The following HID1 variants were observed in gnomAD, a reference collection of about 807,000 sequenced individuals.
The protein encoded by HID1 is HID1 domain containing.
HID1 carries 42 observed loss-of-function variants against 89.7 expected under a neutral mutation model. The ratio of observed to expected loss-of-function variants is 0.47; its 90% confidence interval spans 0.37 to 0.61. The LOEUF (loss-of-function observed/expected upper bound fraction) is 0.61. Ranked by LOEUF, HID1 falls within the 20% of genes least tolerant of loss-of-function variation. The pLI, the probability that HID1 is intolerant of heterozygous loss-of-function variation, is 0.00. For synonymous variants in HID1, 442 were observed against 433.8 expected (o/e 1.02, Z -0.24); for missense variants, 854 against 1,039.3 (o/e 0.82, Z 2.45).
At chr17:74,965,339 T>C (rs1251176286) in intron 1 of HID1, among the ~76,000 whole-genome samples, 1 of 152,218 alleles carries the variant, frequency 6.6e-6, no homozygotes, top group Admixed American at 6.5e-5. Flanking sequence ...CACTGCTTCC[T>C]CACCCAGAGC....
intron 14 of HID1, among the ~76,000 whole-genome samples, 156 bp downstream of exon 14, chr17:74,953,982 A>T (rs758228272): frequency 2.0e-5 from 3 of 151,542 alleles, no homozygotes; most frequent in Non-Finnish European, 4.4e-5. Context: ...AAGCCCATCC[A>T]GTACCCTCCC....
At chr17:74,966,208 C>G (rs2144825262) in intron 1 of HID1, among the ~76,000 whole-genome samples, 1 of 148,182 alleles carries the variant, frequency 6.7e-6, no homozygotes, top group East Asian at 2.0e-4. Flanking sequence ...TGCTTGAACC[C>G]AGGAGGCAGA....
At chr17:74,953,715 A>G in intron 14 of HID1, 64 bp from the exon 15 acceptor site, 1 of 1,291,814 alleles carries the variant, frequency 7.7e-7, no homozygotes, top group Non-Finnish European at 1.1e-6. Context: ...CCCTTCCTCC[A>G]CCCACTTTTT....
At position 74,964,572 on chromosome 17, in the gene HID1, C is replaced by G. The variant is rs1180312938; in HGVS notation, c.127G>C (p.Val43Leu). The G allele has an allele frequency of 1.9e-6, 3 of 1,612,148 alleles. No individual in the cohort carries two copies. Among genetic ancestry groups the G allele is most frequent in the Non-Finnish European group, 2.5e-6 (3 of 1,179,404 alleles). The change falls in exon 2 of 19, where the codon GTG becomes CTG. Residue 43 changes from valine to leucine, a missense_variant. Coordinates refer to ENST00000425042, the MANE Select transcript of HID1 (RefSeq NM_030630.3). ...GGCACCAGTGCAAACACATCCTGCA[C>G]CGAGGTGGCTGTGTCTGCCCAGAAC... ...DQFWADTATSVQDVFALVPAA... is the reference protein window; with the variant it reads ...DQFWADTATSLQDVFALVPAA...
chr17:74,957,614 A>G (rs539322069), intron 12 of HID1, among the ~76,000 whole-genome samples: 2 of 148,454 alleles, frequency 1.3e-5, no homozygotes, highest in Non-Finnish European at 3.0e-5. Context: ...TTTTTTTAAA[A>G]AAAGGCCAGA....
At chr17:74,963,384 C>T in intron 3 of HID1, 2 of 489,368 alleles carry the variant, frequency 4.1e-6, no homozygotes, top group South Asian at 2.8e-5. Flanking sequence ...CCCTCAGCAC[C>T]TCACCTGGAC....
At position 74,958,006 on chromosome 17, in the gene HID1, T is replaced by C; in HGVS notation, c.1471+135A>G. ...TGTCACCCTTTTTTTTTAATGTGGC[T>C]ACTATGAAGGGTACACAAGCTTGCG... is the stretch of plus-strand genomic sequence containing the variant. On this transcript the variant is annotated intron_variant, in intron 12 of 18. Coordinates refer to ENST00000425042, the MANE Select transcript of HID1 (RefSeq NM_030630.3). This position sits in a 1 kb window ranked among gnomAD's most constrained non-coding sequence, Gnocchi z 5.2. 1 of 662,374 alleles carries C rather than the reference T, an allele frequency of 1.5e-6. No individual in the cohort carries two copies. Among genetic ancestry groups the C allele is most frequent in the Non-Finnish European group, 2.6e-6 (1 of 388,842 alleles). 41.0% of individuals were successfully genotyped at this position (662,374 alleles called of 1,614,324 possible).
At position 74,962,915 on chromosome 17, in the gene HID1, C is replaced by A; in HGVS notation, c.504+50G>T. On this transcript the variant is annotated intron_variant, in intron 4 of 18. Transcript: ENST00000425042. The surrounding 1 kb of genome is among the most constrained non-coding windows in gnomAD (Gnocchi z 4.3). ...AACTTCAACTGGCCCGGCCCCAACC[C>A]AGGACCAGAGCCTACTCCGCCTGGG... is the stretch of plus-strand genomic sequence containing the variant. The A allele has an allele frequency of 7.1e-7, 1 of 1,415,702 alleles. No homozygotes were observed. The highest frequency in any genetic ancestry group is 9.9e-7 in the Non-Finnish European group (1 of 1,012,264). The allele number at this position is 1,415,702 out of a possible 1,614,324, so 87.7% of individuals were successfully genotyped here.
rs1247219604 is a variant in HID1 at position 74,951,360 on chromosome 17, C to T, written c.*210G>A. The T allele has an allele frequency of 1.9e-5, 11 of 591,136 alleles. 1 individual carries two copies. The highest frequency in any genetic ancestry group is 1.0e-4 in the South Asian group (5 of 48,788). The allele number at this position is 591,136 out of a possible 1,614,324, so 36.6% of individuals were successfully genotyped here. The stretch of plus-strand genomic sequence containing the variant: ...TGGGGGCATAGCCCCAGAGATGGGG[C>T]TCCTGTGAGTCCAGCCTAGGGGTTG... On this transcript the variant is annotated 3_prime_UTR_variant, in exon 19 of 19. Coordinates refer to ENST00000425042, the MANE Select transcript of HID1 (RefSeq NM_030630.3).
chr17:74,972,525 AC>A lies in HID1; in HGVS notation c.66+65del. 7 of 1,423,866 alleles carry A rather than the reference AC, an allele frequency of 4.9e-6. No homozygotes were observed. The highest frequency in any genetic ancestry group is 2.2e-5 in the Admixed American group (1 of 45,732). 88.2% of individuals were successfully genotyped at this position (1,423,866 alleles called of 1,614,324 possible). On this transcript the variant is annotated intron_variant, in intron 1 of 18. Coordinates refer to ENST00000425042, the MANE Select transcript of HID1 (RefSeq NM_030630.3). The surrounding 1 kb of genome is among the most constrained non-coding windows in gnomAD (Gnocchi z 6.4). ...ATCTCCCGACGAGCCAAGTTCGCGT[AC>A]CCCCGGCCCTGCCCAGCCCCCAGCC...
intron 15 of HID1, 57 bp from the exon 16 acceptor site, chr17:74,953,143 T>G: frequency 9.9e-6 from 12 of 1,215,996 alleles, no homozygotes; most frequent in Non-Finnish European, 1.4e-5. Flanking sequence ...AGGGGTGGAG[T>G]GGGGGGCAAT....
In HID1 at chr17:74,962,179, G is replaced by A. The variant is rs753547809; in HGVS notation, c.611+55C>T. The A allele has an allele frequency of 1.4e-6, 2 of 1,455,410 alleles. No individual in the cohort carries two copies. Among genetic ancestry groups the A allele is most frequent in the African/African-American group, 1.4e-5 (1 of 71,604 alleles). The allele number at this position is 1,455,410 out of a possible 1,614,324, so 90.2% of individuals were successfully genotyped here. On this transcript the variant is annotated intron_variant, in intron 5 of 18. Coordinates refer to ENST00000425042, the MANE Select transcript of HID1 (RefSeq NM_030630.3). This position sits in a 1 kb window ranked among gnomAD's most constrained non-coding sequence, Gnocchi z 4.3. ...CCCATGGGCTTTCTGAGCTGTGCGG[G>A]GGCCCGGCCCGGGGTCCAGCTGCAT...
Position 74,962,039 on chromosome 17 carries a change from A to G in HID1, c.612-50T>C. The G allele has an allele frequency of 7.2e-7, 1 of 1,396,796 alleles. No homozygotes were observed. The highest frequency in any genetic ancestry group is 9.7e-7 in the Non-Finnish European group (1 of 1,032,194). 86.5% of individuals were successfully genotyped at this position (1,396,796 alleles called of 1,614,324 possible). ...CCTTAGGATCCCAGTCCCCTCTTGG[A>G]GGTTCTGCCCACCCAGCCCAGCGCC... On this transcript the variant is annotated intron_variant, in intron 5 of 18. Coordinates refer to ENST00000425042, the MANE Select transcript of HID1 (RefSeq NM_030630.3). The surrounding 1 kb of genome is among the most constrained non-coding windows in gnomAD (Gnocchi z 4.3).
intron 15 of HID1, among the ~76,000 whole-genome samples, chr17:74,953,341 C>A (rs73363079): frequency 1.3e-5 from 2 of 152,118 alleles, no homozygotes. Context: ...AGGGCTTCAC[C>A]GGAACCAGTA....
At chr17:74,960,852 G>A (rs560148683) in intron 6 of HID1, among the ~76,000 whole-genome samples, 88 of 152,282 alleles carry the variant, frequency 5.8e-4, no homozygotes, top group African/African-American at 2.0e-3. Context: ...GCCACCTGCC[G>A]GGCACAGACC....
At chr17:74,952,228 GC>G in intron 17 of HID1, 40 bp downstream of exon 17, 1 of 1,575,594 alleles carries the variant, frequency 6.3e-7, no homozygotes, top group Non-Finnish European at 8.7e-7. Flanking sequence ...CACAACCCCG[GC>G]CCCGCCCACA....
In HID1 at chr17:74,972,709, G is replaced by A. The variant is rs2039669804; in HGVS notation, c.-53C>T. On this transcript the variant is annotated 5_prime_UTR_variant, in exon 1 of 19. Coordinates refer to ENST00000425042, the MANE Select transcript of HID1 (RefSeq NM_030630.3). This position sits in a 1 kb window ranked among gnomAD's most constrained non-coding sequence, Gnocchi z 6.4. ...CCCGCCCAGACTCCAACCCGGCTCC[G>A]GCTTCAGCTCCGGCTCCAGCTCCGC... is the stretch of plus-strand genomic sequence containing the variant. The A allele has an allele frequency of 1.4e-6, 2 of 1,470,618 alleles. No individual in the cohort carries two copies. The highest frequency in any genetic ancestry group is 1.8e-6 in the Non-Finnish European group (2 of 1,097,956). The allele number at this position is 1,470,618 out of a possible 1,614,324, so 91.1% of individuals were successfully genotyped here.
Position 74,963,822 on chromosome 17 carries a change from G to A in HID1, c.305C>T (p.Thr102Ile). 2 of 1,614,122 alleles carry A rather than the reference G, an allele frequency of 1.2e-6. No homozygotes were observed. The highest frequency in any genetic ancestry group is 1.1e-5 in the South Asian group (1 of 91,078). Residue 102 changes from threonine (T) to isoleucine (I), a missense_variant, in exon 3 of 19, where the codon ACC becomes ATC. Thr to Ile is a moderately conservative substitution (Grantham distance 89). Coordinates refer to ENST00000425042, the MANE Select transcript of HID1 (RefSeq NM_030630.3). ...QIVLNCSRLL[T>I]RVLPYIFEDP... ...CTCAAAGATGTAGGGCAGCACGCGG[G>A]TGAGCAGCCGGCTGCAGTTCAGGAC... is the stretch of plus-strand genomic sequence containing the variant.
At chr17:74,957,382 G>C (rs181984339) in intron 12 of HID1, among the ~76,000 whole-genome samples, 34 of 152,120 alleles carry the variant, frequency 2.2e-4, no homozygotes, top group African/African-American at 8.0e-4. Context: ...TACTTGGGAG[G>C]CTGAGGCATG....
Sources: gnomAD v4.1 joint callset for allele counts (sites outside exome capture counted in the v4.1 genomes callset) on GRCh38, gnomAD v4.1.1 for gene constraint, Gnocchi (gnomAD v3.1) non-coding constraint, MANE v1.5 for transcripts, NCBI Gene and HGNC (gene_info 2026-07-23, HGNC 2026-07-21) for gene names.